Variants in NDST4 observed in about 807,000 individuals in gnomAD.
The protein encoded by NDST4 is N-deacetylase and N-sulfotransferase 4.
In NDST4, 63 loss-of-function variants were observed where a neutral mutation model predicts 100.8. The observed-to-expected ratio is 0.62, with a 90% CI of 0.51 to 0.77. NDST4 has a LOEUF of 0.77. Ranked by LOEUF, NDST4 falls within the 30% of genes least tolerant of loss-of-function variation. The pLI is 0.00. For missense variants in NDST4, 943 were observed against 1,018.4 expected (o/e 0.93, Z 1.01); for synonymous variants, 377 against 361.8 (o/e 1.04, Z -0.48).
At chr4:114,937,579 A>G (rs1190372917) in intron 4 of NDST4, 76 bp from the exon 5 acceptor site, 1 of 1,204,560 alleles carries the variant, frequency 8.3e-7, no homozygotes, top group East Asian at 2.4e-5. Flanking sequence ...ACCAACATCT[A>G]TTTAGAATAC....
chr4:115,035,500 G>A (rs941748283), intron 2 of NDST4, among the ~76,000 whole-genome samples: 4 of 151,814 alleles, frequency 2.6e-5, no homozygotes, highest in Admixed American at 6.6e-5. Context: ...AGGGGAAGTA[G>A]GAATAATAAA....
chr4:114,841,542 G>A (rs1253188214), intron 10 of NDST4, among the ~76,000 whole-genome samples: 2 of 152,146 alleles, frequency 1.3e-5, no homozygotes, highest in Non-Finnish European at 2.9e-5. Flanking sequence ...ACATCATAAA[G>A]ATTCTCTTTT....
intron 13 of NDST4, among the ~76,000 whole-genome samples, chr4:114,828,308 CA>C (rs1239957458): frequency 2.0e-5 from 3 of 151,976 alleles, no homozygotes; most frequent in Admixed American, 6.6e-5. Flanking sequence ...AATGTACATA[CA>C]TTTTTTTTTG....
intron 1 of NDST4, among the ~76,000 whole-genome samples, chr4:115,096,029 C>G (rs533897305): frequency 6.6e-6 from 1 of 152,124 alleles, no homozygotes; most frequent in Admixed American, 6.6e-5. Flanking sequence ...CACAATCCCC[C>G]TTACCCAGTT....
At chr4:115,024,880 G>A (rs1402955173) in intron 2 of NDST4, among the ~76,000 whole-genome samples, 1 of 152,180 alleles carries the variant, frequency 6.6e-6, no homozygotes, top group Non-Finnish European at 1.5e-5. Context: ...GGCCATCAGG[G>A]TTTTTCTCTC....
At chr4:115,024,503 T>C (rs1428449148) in intron 2 of NDST4, among the ~76,000 whole-genome samples, 1 of 152,162 alleles carries the variant, frequency 6.6e-6, no homozygotes, top group Non-Finnish European at 1.5e-5. Context: ...CTCACCTATT[T>C]ATTTTATTTT....
At chr4:114,888,095 T>C (rs1159014283) in intron 6 of NDST4, among the ~76,000 whole-genome samples, 1 of 151,984 alleles carries the variant, frequency 6.6e-6, no homozygotes. Flanking sequence ...TCCCAGCTAC[T>C]CAGGAGGCTG....
intron 4 of NDST4, among the ~76,000 whole-genome samples, chr4:114,948,921 G>C (rs1725928822): frequency 6.6e-6 from 1 of 152,044 alleles, no homozygotes; most frequent in African/African-American, 2.4e-5. Context: ...CAGAGAAAGA[G>C]TTGTTTTAAC....
intron 4 of NDST4, among the ~76,000 whole-genome samples, chr4:114,966,542 C>T (rs1283786648): frequency 6.6e-6 from 1 of 151,944 alleles, no homozygotes; most frequent in Non-Finnish European, 1.5e-5. Flanking sequence ...ATGTTTGAAT[C>T]ATTTTTGGAA....
At chr4:115,075,136 C>A (rs191973609) in intron 2 of NDST4, among the ~76,000 whole-genome samples, 160 of 152,158 alleles carry the variant, frequency 1.1e-3, no homozygotes, top group Non-Finnish European at 1.8e-3. Context: ...GCTGTGTTTT[C>A]CCAAATAATG....
chr4:115,105,089 G>A (rs1729808545), intron 1 of NDST4, among the ~76,000 whole-genome samples: 1 of 152,088 alleles, frequency 6.6e-6, no homozygotes, highest in South Asian at 2.1e-4. Context: ...AGCAAGGCTT[G>A]GAATCCTGAT....
At chr4:114,851,727 A>T (rs1723679676) in intron 8 of NDST4, among the ~76,000 whole-genome samples, 1 of 152,166 alleles carries the variant, frequency 6.6e-6, no homozygotes, top group Non-Finnish European at 1.5e-5. Context: ...AACAAAAGTG[A>T]TCTATCTGAA....
chr4:114,833,883 C>T (rs932965398), intron 11 of NDST4, among the ~76,000 whole-genome samples, 168 bp from the exon 12 acceptor site: 2 of 152,332 alleles, frequency 1.3e-5, no homozygotes, highest in Admixed American at 6.5e-5. Flanking sequence ...CATCCTTCCA[C>T]ATAAACAATA....
intron 1 of NDST4, among the ~76,000 whole-genome samples, chr4:115,086,369 A>C (rs968815996): frequency 6.6e-6 from 1 of 152,098 alleles, no homozygotes; most frequent in Non-Finnish European, 1.5e-5. Context: ...TAGTATGCCC[A>C]GTTTATAATT....
intron 11 of NDST4, among the ~76,000 whole-genome samples, chr4:114,837,031 GTGC>G: frequency 6.6e-6 from 1 of 152,118 alleles, no homozygotes; most frequent in South Asian, 2.1e-4. Flanking sequence ...CATTTACCAA[GTGC>G]TTAGCTTCCT....
chr4:115,030,563 T>G (rs1728093186), intron 2 of NDST4, among the ~76,000 whole-genome samples: 1 of 152,196 alleles, frequency 6.6e-6, no homozygotes, highest in South Asian at 2.1e-4. Context: ...AGTCAGACTT[T>G]TGGGAAGAAA....
intron 4 of NDST4, among the ~76,000 whole-genome samples, chr4:114,964,398 C>T (rs1726334888): frequency 6.6e-6 from 1 of 152,136 alleles, no homozygotes; most frequent in Non-Finnish European, 1.5e-5. Context: ...ACTTCATAAA[C>T]TGTTAAATAA....
intron 2 of NDST4, among the ~76,000 whole-genome samples, chr4:114,990,336 A>G (rs1041620348): frequency 6.6e-6 from 1 of 152,120 alleles, no homozygotes; most frequent in Non-Finnish European, 1.5e-5. Flanking sequence ...TTTACTAACT[A>G]TAGCTCATTT....
chr4:115,028,498 T>A (rs1728038806), intron 2 of NDST4, among the ~76,000 whole-genome samples: 1 of 151,158 alleles, frequency 6.6e-6, no homozygotes. Flanking sequence ...GAAATAAAAA[T>A]GGGCTGAGCT....
Sources: allele counts gnomAD v4.1 joint callset (sites outside exome capture counted in the v4.1 genomes callset), GRCh38; gene constraint gnomAD v4.1.1; transcripts MANE v1.5; gene names NCBI Gene and HGNC (gene_info 2026-07-23, HGNC 2026-07-21).